Variants in PROSER1 observed in about 807,000 individuals in gnomAD.
PROSER1 encodes the protein proline and serine-rich protein 1.
In PROSER1, 36 loss-of-function variants were observed where a neutral mutation model predicts 71.8. The observed-to-expected ratio is 0.50, with a 90% CI of 0.38 to 0.66. The LOEUF is 0.66. Ranked by LOEUF, PROSER1 falls within the 30% of genes least tolerant of loss-of-function variation. The pLI is 0.00. For missense variants in PROSER1, 1,107 were observed against 1,135.0 expected (o/e 0.98, Z 0.35); for synonymous variants, 490 against 452.4 (o/e 1.08, Z -1.06).
At chr13:39,036,353 C>A (rs1458091083) in intron 1 of PROSER1, among the ~76,000 whole-genome samples, 1 of 152,106 alleles carries the variant, frequency 6.6e-6, no homozygotes, top group Non-Finnish European at 1.5e-5. Flanking sequence ...GCTTTGTAAA[C>A]TGAAATAAGC....
Position 39,014,140 on chromosome 13 carries a change from G to A in PROSER1, c.1112C>T (p.Pro371Leu), listed in dbSNP as rs924325733. ...AGTGGCTGCGGTAGGAGTGGCAGAA[G>A]GACCTGGCAGTGACACTAGGCCAGA... ...IFSGLVSLPG[P>L]SATPTAATPT... Residue 371 changes from proline to leucine, a missense_variant, in exon 11 of 13, where the codon CCT (proline) becomes CTT (leucine). Physicochemically the swap from Pro to Leu is moderately conservative, Grantham distance 98. Transcript: ENST00000352251. 1 of 1,614,176 alleles carries A rather than the reference G, an allele frequency of 6.2e-7. No individual in the cohort carries two copies. The highest frequency in any genetic ancestry group is 8.5e-7 in the Non-Finnish European group (1 of 1,180,032).
At position 39,012,120 on chromosome 13, in the gene PROSER1, T is replaced by G. The variant is rs1175583285; in HGVS notation, c.2675A>C (p.Gln892Pro). Residue 892 changes from glutamine (Q) to proline (P), a missense_variant, in exon 12 of 13, where the codon CAG becomes CCG. Gln to Pro is a moderately conservative substitution (Grantham distance 76, BLOSUM62 -1). Transcript: ENST00000352251. Reference protein sequence around the residue: ...NPSQSSLQELQHNAAAQSALL... With the variant: ...NPSQSSLQELPHNAAAQSALL... ...TGCTGACTGCGCAGCCGCATTATGC[T>G]GTAATTCTTGCAAGGATGATTGTGA... is the stretch of plus-strand genomic sequence containing the variant. 1.9e-6 allele frequency: 3 copies of G among 1,614,120 alleles called. No individual in the cohort carries two copies. The East Asian group carries it at 6.7e-5, about 36-fold the overall frequency.
rs201650265 is a variant in PROSER1 at position 39,013,865 on chromosome 13, C to T, written c.1387G>A (p.Gly463Ser). ...GCAGACAAAAGAGGACTGTTCACAC[C>T]AAGTGGACCGGCAACGCTGGGAGTA... ...GSTPSVAGPL[G>S]VNSPLLSALK... The change falls in exon 11 of 13, where the codon GGT becomes AGT. Residue 463 changes from glycine to serine, a missense_variant. Transcript: ENST00000352251. 65 of 1,614,010 alleles carry T rather than the reference C, an allele frequency of 4.0e-5. No homozygotes were observed. Among genetic ancestry groups the T allele is most frequent in the Middle Eastern group, 1.6e-4 (1 of 6,084 alleles).
chr13:39,024,591 TA>T (rs750339718), intron 6 of PROSER1, 35 bp from the exon 7 acceptor site: 3,078 of 1,218,796 alleles, frequency 2.5e-3, no homozygotes, highest in Middle Eastern at 3.4e-3. Context: ...AATTGAAACT[TA>T]AAAAAAAAAC....
rs754683149 is a variant in PROSER1 at position 39,013,476 on chromosome 13, C to A, written c.1776G>T (p.Leu592=). 1 of 1,613,954 alleles carries A rather than the reference C, an allele frequency of 6.2e-7. No homozygotes were observed. Among genetic ancestry groups the A allele is most frequent in the Non-Finnish European group, 8.5e-7 (1 of 1,180,014 alleles). ...LRGPHPGTSD[L]HISSTPAATT... is the part of the protein sequence containing the mutation. Reference sequence around the variant, plus strand: ...TTGCAGCAGGGGTAGATGAAATATGCAGATCTGAGGTACCTGGGTGGGGGC... The same window carrying A: ...TTGCAGCAGGGGTAGATGAAATATGAAGATCTGAGGTACCTGGGTGGGGGC... Residue 592 remains leucine (L), a synonymous_variant, in exon 11 of 13, where the codon CTG becomes CTT. Coordinates refer to ENST00000352251, the MANE Select transcript of PROSER1 (RefSeq NM_025138.5).
At position 39,012,071 on chromosome 13, in the gene PROSER1, A is replaced by T; in HGVS notation, c.2712+12T>A. 6.2e-7 allele frequency: 1 copy of T among 1,610,768 alleles called. No homozygotes were observed. Among genetic ancestry groups the T allele is most frequent in the Non-Finnish European group, 8.5e-7 (1 of 1,178,364 alleles). ...TGTTACCATGTAATTTATGCCAGCC[A>T]TTGCTGCTTACCTGCTGTAACAATG... On this transcript the variant is annotated intron_variant, in intron 12 of 12. Coordinates refer to ENST00000352251, the MANE Select transcript of PROSER1 (RefSeq NM_025138.5).
intron 10 of PROSER1, among the ~76,000 whole-genome samples, chr13:39,015,670 G>C (rs1364886297): frequency 6.6e-6 from 1 of 151,844 alleles, no homozygotes; most frequent in Non-Finnish European, 1.5e-5. Context: ...ACATTGGGCT[G>C]AACAAATTTT....
At chr13:39,011,781 A>G (rs1009968973) in intron 12 of PROSER1, among the ~76,000 whole-genome samples, 3 of 152,238 alleles carry the variant, frequency 2.0e-5, no homozygotes, top group African/African-American at 7.2e-5. Context: ...GAATTACAGA[A>G]GACAAGTTAA....
Position 39,031,985 on chromosome 13 carries a change from T to C in PROSER1, c.112-354A>G, listed in dbSNP as rs944777780. 3.9e-5 allele frequency among the ~76,000 whole-genome samples: 6 copies of C among 151,980 alleles called. No homozygotes were observed. In the South Asian group the frequency reaches 8.3e-4, roughly 21 times the overall value. The stretch of plus-strand genomic sequence containing the variant: ...ACTGGTCTAGAAAGAAAGAAAAATA[T>C]ACAATACAGAAAAAAACAAAGTATC... On this transcript the variant is annotated intron_variant, in intron 2 of 12. Coordinates refer to ENST00000352251, the MANE Select transcript of PROSER1 (RefSeq NM_025138.5).
At chr13:39,032,708 G>T (rs893632702) in intron 2 of PROSER1, among the ~76,000 whole-genome samples, 1 of 151,852 alleles carries the variant, frequency 6.6e-6, no homozygotes, top group Non-Finnish European at 1.5e-5. Context: ...TCTAATAAAT[G>T]CTATATTTTA....
At chr13:39,034,411 A>G (rs1201496291) in intron 1 of PROSER1, among the ~76,000 whole-genome samples, 1 of 152,202 alleles carries the variant, frequency 6.6e-6, no homozygotes, top group Non-Finnish European at 1.5e-5. Context: ...GCAAGCAGGA[A>G]GATCTGCTGG....
intron 6 of PROSER1, among the ~76,000 whole-genome samples, chr13:39,025,962 C>T (rs1040369248): frequency 9.9e-5 from 15 of 152,190 alleles, no homozygotes; most frequent in African/African-American, 3.4e-4. Context: ...GTTTCCCAAA[C>T]ACACTTCACT....
At chr13:39,026,930 G>A (rs1016688420) in intron 5 of PROSER1, among the ~76,000 whole-genome samples, 3 of 152,110 alleles carry the variant, frequency 2.0e-5, no homozygotes, top group Non-Finnish European at 4.4e-5. Flanking sequence ...AAGGGATTTA[G>A]GTCTAAGCTG....
chr13:39,024,335 CCATT>C, intron 7 of PROSER1, 134 bp downstream of exon 7: 1 of 610,272 alleles, frequency 1.6e-6, no homozygotes, highest in Non-Finnish European at 2.9e-6. Context: ...TTTCCCTCAT[CCATT>C]CACTCTCTCA....
chr13:39,027,169 ATATG>A (rs142141541), intron 5 of PROSER1, among the ~76,000 whole-genome samples: 2,357 of 152,272 alleles, frequency 0.015, 58 homozygotes, highest in African/African-American at 0.054. Context: ...CACAACACAT[ATATG>A]TATATTAGCT....
At position 39,022,306 on chromosome 13, in the gene PROSER1, A is replaced by G. The variant is rs1870328964; in HGVS notation, c.730+20T>C. The G allele has an allele frequency of 1.3e-6, 2 of 1,516,094 alleles. No homozygotes were observed. Among genetic ancestry groups the G allele is most frequent in the Non-Finnish European group, 1.8e-6 (2 of 1,091,184 alleles). 93.9% of individuals were successfully genotyped at this position (1,516,094 alleles called of 1,614,324 possible). A position where few individuals can be genotyped will look rare whatever the true frequency, so the allele number is the denominator to read the frequency against. ...TTGTATATGAATAAGTTACTTAAAC[A>G]CCCCCAAATAACATTTTACCTGTTC... On this transcript the variant is annotated intron_variant, in intron 9 of 12. Coordinates refer to ENST00000352251, the MANE Select transcript of PROSER1 (RefSeq NM_025138.5).
intron 9 of PROSER1, among the ~76,000 whole-genome samples, chr13:39,021,660 CTCA>C (rs1197292805): frequency 1.3e-5 from 2 of 152,154 alleles, no homozygotes; most frequent in Non-Finnish European, 2.9e-5. Flanking sequence ...TTTGTCATTC[CTCA>C]TATTTGATTA....
chr13:39,029,247 T>TTAAA, intron 4 of PROSER1, 34 bp downstream of exon 4: 1 of 741,240 alleles, frequency 1.3e-6, no homozygotes. Flanking sequence ...TTTTCCCAAG[T>TTAAA]AAAAAAAAAA....
In PROSER1 at chr13:39,037,279, C is replaced by T. The variant is rs758072055; in HGVS notation, c.-37G>A. The stretch of plus-strand genomic sequence containing the variant: ...TCCCGACGTGGTTTTAACAGTTATA[C>T]TTGCAATTAAAAGACGTTCATCCCT... On this transcript the variant is annotated 5_prime_UTR_variant, in exon 1 of 13. Coordinates refer to ENST00000352251, the MANE Select transcript of PROSER1 (RefSeq NM_025138.5). The T allele has an allele frequency of 3.3e-6, 5 of 1,512,182 alleles. No homozygotes were observed. Among genetic ancestry groups the T allele is most frequent in the Non-Finnish European group, 4.6e-6 (5 of 1,087,222 alleles). 93.7% of individuals were successfully genotyped at this position (1,512,182 alleles called of 1,614,324 possible). A position where few individuals can be genotyped will look rare whatever the true frequency, so the allele number is the denominator to read the frequency against.
Sources: gnomAD v4.1 joint callset for allele counts (sites outside exome capture counted in the v4.1 genomes callset) on GRCh38, gnomAD v4.1.1 for gene constraint, MANE v1.5 for transcripts, NCBI Gene and HGNC (gene_info 2026-07-23, HGNC 2026-07-21) for gene names.